BRCA2: variants seen among roughly 807,000 people sequenced by gnomAD.
The protein encoded by BRCA2 is breast cancer type 2 susceptibility protein.
In BRCA2, 203 loss-of-function variants were observed where a neutral mutation model predicts 276.7. That is an observed-to-expected ratio of 0.73 (90% CI 0.65 to 0.82). The LOEUF is 0.82. Among genes scored for constraint, BRCA2 ranks in the 40% least tolerant of loss-of-function variants. BRCA2 has a pLI of 0.00. For missense variants in BRCA2, 3,920 were observed against 3,915.0 expected (o/e 1.00, Z -0.03); for synonymous variants, 1,289 against 1,338.4 (o/e 0.96, Z 0.81).
rs80358603 is a variant in BRCA2 at position 32,325,112 on chromosome 13, G to T, written c.353G>T (p.Arg118Leu). 2 of 1,607,716 alleles carry T rather than the reference G, an allele frequency of 1.2e-6. No homozygotes were observed. Among genetic ancestry groups the T allele is most frequent in the Non-Finnish European group, 1.7e-6 (2 of 1,174,452 alleles). Residue 118 changes from arginine (R) to leucine (L), a missense_variant, in exon 4 of 27, where the codon CGC becomes CTC. Arg to Leu is a moderately radical substitution (Grantham distance 102). Around this residue, in one of 2 missense-constraint regions of BRCA2, gnomAD observed 3,263 missense variants for 3,156.9 expected, o/e 1.03. Transcript: ENST00000380152. Reference sequence around the variant, plus strand: ...CCCAATAGTAGACATAAAAGTCTTCGCACAGTGAAAACTAAAATGGATCAA... The same window carrying T: ...CCCAATAGTAGACATAAAAGTCTTCTCACAGTGAAAACTAAAATGGATCAA... ...NVPNSRHKSL[R>L]TVKTKMDQAD...
In BRCA2 at chr13:32,356,439, A is replaced by G. The variant is rs80358966; in HGVS notation, c.7447A>G (p.Ser2483Gly). The G allele has an allele frequency of 4.3e-6, 7 of 1,613,452 alleles. No individual in the cohort carries two copies. The Admixed American group carries it at 6.7e-5, about 15-fold the overall frequency. ...TTATTCTTTGATAGATTTAATTACA[A>G]GTCTTCAGAATGCCAGAGATATACA... ...CEEEPLDLIT[S>G]LQNARDIQDM... The change falls in exon 15 of 27, where the codon AGT becomes GGT. Residue 2483 changes from serine (S) to glycine (G), a missense_variant. Physicochemically the swap from Ser to Gly is moderately conservative, Grantham distance 56. Transcript: ENST00000380152.
chr13:32,396,599 G>C lies in BRCA2; in HGVS notation c.9502-299G>C, dbSNP rs1012129. 0.52 allele frequency among the ~76,000 whole-genome samples: 78,580 copies of C among 151,958 alleles called. 20,412 individuals are homozygous for C. The highest frequency in any genetic ancestry group is 0.57 in the East Asian group (2,946 of 5,166). ...CTAGGACTTGAGCCCCAATCTTCCA[G>C]CTTCAATCCAGATCATATGACAGCT... On this transcript the variant is annotated intron_variant, in intron 25 of 26. Transcript: ENST00000380152.
Position 32,330,974 on chromosome 13 carries a change from T to A in BRCA2, c.737T>A (p.Phe246Tyr), listed in dbSNP as rs763881800. 3 of 1,613,848 alleles carry A rather than the reference T, an allele frequency of 1.9e-6. No individual in the cohort carries two copies. Among genetic ancestry groups the A allele is most frequent in the Non-Finnish European group, 2.5e-6 (3 of 1,179,810 alleles). ...HDESLKKNDR[F>Y]IASVTDSENT... Reference sequence around the variant, plus strand: ...GAAAGTCTGAAGAAAAATGATAGATTTATCGCTTCTGTGACAGACAGTGAA... The same window carrying A: ...GAAAGTCTGAAGAAAAATGATAGATATATCGCTTCTGTGACAGACAGTGAA... The change falls in exon 9 of 27, where the codon TTT becomes TAT. Residue 246 changes from phenylalanine (F) to tyrosine (Y), a missense_variant. Around this residue, in one of 2 missense-constraint regions of BRCA2, gnomAD observed 3,263 missense variants for 3,156.9 expected, o/e 1.03. Transcript: ENST00000380152.
chr13:32,365,619 C>T (rs2072776207), intron 18 of BRCA2, among the ~76,000 whole-genome samples: 1 of 151,868 alleles, frequency 6.6e-6, no homozygotes, highest in Non-Finnish European at 1.5e-5. Context: ...CTCAGGTGAT[C>T]CACCTGCCTC....
At chr13:32,349,848 C>T (rs970680662) in intron 13 of BRCA2, among the ~76,000 whole-genome samples, 12 of 148,144 alleles carry the variant, frequency 8.1e-5, no homozygotes, top group African/African-American at 3.0e-4. Context: ...AGCAGCAATA[C>T]TCATGAAGCT....
In BRCA2 at chr13:32,356,530, C is replaced by T. The variant is rs1060502401; in HGVS notation, c.7538C>T (p.Ala2513Val). The T allele has an allele frequency of 1.2e-6, 2 of 1,614,214 alleles. No individual in the cohort carries two copies. The highest frequency in any genetic ancestry group is 1.7e-5 in the Admixed American group (1 of 60,032). The stretch of plus-strand genomic sequence containing the variant: ...CCACAGCCAGGCAGTCTGTATCTTG[C>T]AAAAACATCCACTCTGCCTCGAATC... The part of the protein sequence containing the change: ...VFPQPGSLYL[A>V]KTSTLPRISL... The change falls in exon 15 of 27, where the codon GCA becomes GTA. Residue 2513 changes from alanine (A) to valine (V), a missense_variant. Physicochemically the swap from Ala to Val is moderately conservative, Grantham distance 64 (BLOSUM62 0). This residue lies in a region of BRCA2 where 3,263 missense variants were observed against 3,156.9 expected (regional missense o/e 1.03). Coordinates refer to ENST00000380152, the MANE Select transcript of BRCA2 (RefSeq NM_000059.4).
intron 24 of BRCA2, among the ~76,000 whole-genome samples, chr13:32,381,693 A>G (rs1416454627): frequency 6.6e-6 from 1 of 152,166 alleles, no homozygotes; most frequent in Non-Finnish European, 1.5e-5. Context: ...AGTCACAGGA[A>G]AATTCCAGGT....
rs397507263 is a variant in BRCA2 at position 32,332,644 on chromosome 13, C to T, written c.1166C>T (p.Pro389Leu). The T allele has an allele frequency of 1.4e-5, 22 of 1,613,784 alleles. No homozygotes were observed. Among genetic ancestry groups the T allele is most frequent in the East Asian group, 8.9e-5 (4 of 44,880 alleles). ...GSDKISKEVVPSLACEWSQLT... is the reference protein window; with the variant it reads ...GSDKISKEVVLSLACEWSQLT... Reference sequence around the variant, plus strand: ...GACAAAATCTCCAAGGAAGTTGTACCGTCTTTGGCCTGTGAATGGTCTCAA... The same window carrying T: ...GACAAAATCTCCAAGGAAGTTGTACTGTCTTTGGCCTGTGAATGGTCTCAA... Residue 389 changes from proline to leucine, a missense_variant, in exon 10 of 27, where the codon CCG (proline) becomes CTG (leucine). Coordinates refer to ENST00000380152, the MANE Select transcript of BRCA2 (RefSeq NM_000059.4).
chr13:32,343,215 G>T (rs2072585374), intron 11 of BRCA2, among the ~76,000 whole-genome samples: 4 of 151,846 alleles, frequency 2.6e-5, no homozygotes, highest in Non-Finnish European at 5.9e-5. Flanking sequence ...TTTTGTGTGT[G>T]TTTTTTTCTA....
chr13:32,329,505 G>T lies in BRCA2; in HGVS notation c.681+13G>T. On this transcript the variant is annotated intron_variant, in intron 8 of 26. Transcript: ENST00000380152. ...TGATACTACTGCTGTAAGTAAATAT[G>T]ACATTGATTAGACTGTTGAAATTGC... 1 of 1,578,536 alleles carries T rather than the reference G, an allele frequency of 6.3e-7. No homozygotes were observed. Among genetic ancestry groups the T allele is most frequent in the South Asian group, 1.1e-5 (1 of 89,282 alleles).
intron 11 of BRCA2, among the ~76,000 whole-genome samples, chr13:32,343,164 C>T (rs76957036): frequency 6.6e-6 from 1 of 152,010 alleles, no homozygotes; most frequent in Non-Finnish European, 1.5e-5. Flanking sequence ...ATTAGGTTAA[C>T]CTTATACATA....
chr13:32,388,090 A>G (rs1566256595), intron 24 of BRCA2, among the ~76,000 whole-genome samples: 1 of 149,660 alleles, frequency 6.7e-6, no homozygotes, highest in Non-Finnish European at 1.5e-5. Flanking sequence ...GCTAAGCCGC[A>G]TAGGGCTGGA....
chr13:32,326,642 A>C, intron 7 of BRCA2, 29 bp downstream of exon 7: 2 of 1,507,590 alleles, frequency 1.3e-6, no homozygotes, highest in African/African-American at 1.4e-5. Context: ...TATTTACAAG[A>C]AAGAGCAGAT....
At chr13:32,347,386 A>G (rs1048007709) in intron 13 of BRCA2, among the ~76,000 whole-genome samples, 1 of 152,182 alleles carries the variant, frequency 6.6e-6, no homozygotes, top group Non-Finnish European at 1.5e-5. Flanking sequence ...GCTTTCCCCT[A>G]AAAAACCTGA....
At chr13:32,335,295 A>G (rs1445627577) in intron 10 of BRCA2, among the ~76,000 whole-genome samples, 2 of 151,024 alleles carry the variant, frequency 1.3e-5, no homozygotes, top group Non-Finnish European at 3.0e-5. Flanking sequence ...CAATGAGCTG[A>G]GATCACGCCA....
intron 7 of BRCA2, among the ~76,000 whole-genome samples, chr13:32,328,366 C>T (rs764102974): frequency 1.1e-4 from 17 of 151,952 alleles, no homozygotes; most frequent in South Asian, 6.2e-4. Flanking sequence ...CTTAGACTCC[C>T]GAGTAGCTGG....
intron 7 of BRCA2, among the ~76,000 whole-genome samples, chr13:32,328,711 A>C (rs955040797): frequency 7.2e-5 from 11 of 152,224 alleles, no homozygotes; most frequent in Admixed American, 4.6e-4. Context: ...ACAGCGAATA[A>C]TTTTGAGATA....
intron 4 of BRCA2, 74 bp from the exon 5 acceptor site, chr13:32,326,027 T>C: frequency 7.6e-7 from 1 of 1,315,596 alleles, no homozygotes; most frequent in Non-Finnish European, 1.1e-6. Flanking sequence ...GAGAATCTTC[T>C]TTTAAAAATA....
chr13:32,339,378 T>C lies in BRCA2; in HGVS notation c.5023T>C (p.Cys1675Arg), dbSNP rs786201420. The C allele has an allele frequency of 2.5e-6, 4 of 1,594,668 alleles. No individual in the cohort carries two copies. The highest frequency in any genetic ancestry group is 2.2e-5 in the East Asian group (1 of 44,668). The change falls in exon 11 of 27, where the codon TGT (cysteine) becomes CGT (arginine). Residue 1675 changes from cysteine to arginine, a missense_variant. Coordinates refer to ENST00000380152, the MANE Select transcript of BRCA2 (RefSeq NM_000059.4). ...TTCAGCCTTAGCTTTTTACACAAGT[T>C]GTAGTAGAAAAACTTCTGTGAGTCA... ...ENSALAFYTS[C>R]SRKTSVSQTS...
Sources: gnomAD v4.1 joint callset for allele counts (sites outside exome capture counted in the v4.1 genomes callset) on GRCh38, gnomAD v4.1.1 for gene constraint, gnomAD v4.1.1 regional missense constraint, MANE v1.5 for transcripts, NCBI Gene and HGNC (gene_info 2026-07-23, HGNC 2026-07-21) for gene names.